The following GMDS variants were observed in gnomAD, a reference collection of about 807,000 sequenced individuals.
The protein encoded by GMDS is GDP-mannose 4,6-dehydratase, also known as GDP-mannose 4,6 dehydratase.
Under a neutral mutation model 49.9 loss-of-function variants are expected in GMDS, and 20 were observed. The ratio of observed to expected loss-of-function variants is 0.40; its 90% confidence interval spans 0.28 to 0.58. GMDS has a LOEUF of 0.58. Among genes scored for constraint, GMDS ranks in the 20% least tolerant of loss-of-function variants. The probability of loss-of-function intolerance (pLI) is 0.42; values close to 1 mark genes in which losing one functional copy is unlikely to be tolerated. For missense variants in GMDS, 362 were observed against 481.4 expected, an observed-to-expected ratio of 0.75 and a Z score of 2.32; for synonymous variants, 177 against 178.6, an observed-to-expected ratio of 0.99 and a Z score of 0.07.
chr6:1,811,586 T>C (rs140885879), intron 7 of GMDS, among the ~76,000 whole-genome samples: 1 of 134,860 alleles, frequency 7.4e-6, no homozygotes, highest in African/African-American at 2.7e-5. Flanking sequence ...ACTGAAGCCC[T>C]TCACAATGCT....
chr6:2,168,246 G>T (rs1432357287), intron 1 of GMDS, among the ~76,000 whole-genome samples: 1 of 152,208 alleles, frequency 6.6e-6, no homozygotes, highest in African/African-American at 2.4e-5. Context: ...TTAGCTCTCT[G>T]AGGGTCTGCA....
At chr6:1,846,413 C>T (rs779158796) in intron 7 of GMDS, among the ~76,000 whole-genome samples, 2 of 152,164 alleles carry the variant, frequency 1.3e-5, no homozygotes, top group South Asian at 2.1e-4. Context: ...ATTCTAATGC[C>T]CTTTTTCTCT....
chr6:1,800,845 C>G (rs1012743157), intron 7 of GMDS, among the ~76,000 whole-genome samples: 2 of 152,160 alleles, frequency 1.3e-5, no homozygotes, highest in Non-Finnish European at 2.9e-5. Context: ...GATTCTGCAT[C>G]TGAAAGCACA....
At chr6:2,070,852 T>A (rs1771948429) in intron 4 of GMDS, among the ~76,000 whole-genome samples, 1 of 152,058 alleles carries the variant, frequency 6.6e-6, no homozygotes, top group Non-Finnish European at 1.5e-5. Flanking sequence ...CCCATCAGAG[T>A]GTATATCATA....
At chr6:1,906,188 T>C (rs1461344189) in intron 7 of GMDS, among the ~76,000 whole-genome samples, 1 of 152,240 alleles carries the variant, frequency 6.6e-6, no homozygotes, top group East Asian at 1.9e-4. Flanking sequence ...CAAAGCTGGC[T>C]GCATGGCATA....
intron 7 of GMDS, among the ~76,000 whole-genome samples, chr6:1,815,217 T>C (rs921713222): frequency 3.8e-5 from 4 of 105,834 alleles, no homozygotes; most frequent in South Asian, 2.6e-4. Context: ...ATGCAATTCA[T>C]CTACCGAAAA....
intron 1 of GMDS, among the ~76,000 whole-genome samples, chr6:2,173,385 C>T (rs1778114258): frequency 6.6e-6 from 1 of 152,100 alleles, no homozygotes; most frequent in Admixed American, 6.6e-5. Context: ...TTTTAGGCCA[C>T]CTGCACCCAG....
At chr6:1,655,235 G>A (rs1763834234) in intron 9 of GMDS, among the ~76,000 whole-genome samples, 1 of 152,144 alleles carries the variant, frequency 6.6e-6, no homozygotes, top group South Asian at 2.1e-4. Flanking sequence ...AGCCTTAATT[G>A]TTGTATCATT....
intron 7 of GMDS, among the ~76,000 whole-genome samples, chr6:1,756,772 G>A (rs551484514): frequency 1.3e-5 from 2 of 152,330 alleles, no homozygotes; most frequent in South Asian, 2.1e-4. Context: ...CCAGCTAAGC[G>A]TTCTGACATT....
At chr6:2,225,868 C>T (rs1356497615) in intron 1 of GMDS, among the ~76,000 whole-genome samples, 1 of 152,100 alleles carries the variant, frequency 6.6e-6, no homozygotes, top group Non-Finnish European at 1.5e-5. Flanking sequence ...CTGAAATCTC[C>T]TGGGACACAA....
intron 4 of GMDS, among the ~76,000 whole-genome samples, chr6:2,042,557 C>T (rs910129914): frequency 3.3e-5 from 5 of 152,148 alleles, no homozygotes; most frequent in Admixed American, 2.0e-4. Flanking sequence ...ATTTACAGGG[C>T]TCATCTATTG....
Position 2,134,413 on chromosome 6 carries a change from T to G in GMDS, c.103-9682A>C, listed in dbSNP as rs1035555961. Among the ~76,000 whole-genome samples, 3 of 152,272 alleles carry G rather than the reference T, an allele frequency of 2.0e-5. No individual in the cohort carries two copies. The East Asian group carries it at 5.8e-4, about 29-fold the overall frequency. ...GAAAAAGACCAGAGCTTTGTAAGGG[T>G]AGTGGAGTTCTCTAGGTGGAAAAAT... On this transcript the variant is annotated intron_variant, in intron 1 of 10. Coordinates refer to ENST00000380815, the MANE Select transcript of GMDS (RefSeq NM_001500.4).
At chr6:1,757,235 T>G (rs951826559) in intron 7 of GMDS, among the ~76,000 whole-genome samples, 1 of 152,176 alleles carries the variant, frequency 6.6e-6, no homozygotes, top group African/African-American at 2.4e-5. Context: ...ACCTGGGATA[T>G]GGGAGCTCAC....
chr6:1,961,038 A>T (rs1335396122), intron 4 of GMDS, 72 bp from the exon 5 acceptor site: 1 of 822,512 alleles, frequency 1.2e-6, no homozygotes, highest in Non-Finnish European at 1.8e-6. Flanking sequence ...GCAGGAACAA[A>T]GACTACAATT....
intron 9 of GMDS, among the ~76,000 whole-genome samples, chr6:1,663,523 A>AT (rs1764148310): frequency 6.6e-6 from 1 of 152,122 alleles, no homozygotes; most frequent in African/African-American, 2.4e-5. Flanking sequence ...GGTACCAGTG[A>AT]TGTTTTTGTG....
chr6:1,975,000 T>C (rs1358737215), intron 4 of GMDS, among the ~76,000 whole-genome samples: 2 of 150,650 alleles, frequency 1.3e-5, no homozygotes, highest in African/African-American at 4.9e-5. Context: ...ATTATGCCAC[T>C]GCACTCCAGC....
chr6:2,093,113 A>G (rs114545405), intron 4 of GMDS, among the ~76,000 whole-genome samples: 8 of 152,310 alleles, frequency 5.3e-5, no homozygotes, highest in Middle Eastern at 3.4e-3. Context: ...CACCAAGTCA[A>G]ATATTTCCAT....
chr6:1,818,957 A>C (rs1770779490), intron 7 of GMDS, among the ~76,000 whole-genome samples: 1 of 152,170 alleles, frequency 6.6e-6, no homozygotes, highest in Non-Finnish European at 1.5e-5. Context: ...GTAAATTAGC[A>C]GTGGTCATAC....
chr6:1,624,669 G>C, intron 9 of GMDS, 129 bp from the exon 10 acceptor site: 1 of 661,748 alleles, frequency 1.5e-6, no homozygotes, highest in Non-Finnish European at 2.7e-6. Flanking sequence ...CCCTGCTTTC[G>C]GTCCCTGCTG....
Sources: gnomAD v4.1 joint callset for allele counts (sites outside exome capture counted in the v4.1 genomes callset) on GRCh38, gnomAD v4.1.1 for gene constraint, MANE v1.5 for transcripts, NCBI Gene and HGNC (gene_info 2026-07-23, HGNC 2026-07-21) for gene names.